Variants in SPAG16 observed in about 807,000 individuals in gnomAD.
The protein encoded by SPAG16 is sperm-associated antigen 16 protein.
SPAG16 carries 86 observed loss-of-function variants against 80.4 expected under a neutral mutation model. That is an observed-to-expected ratio of 1.07 (90% CI 0.90 to 1.28). The LOEUF is 1.28. SPAG16 is among the 50% of genes most tolerant of loss of function. The pLI, the probability that SPAG16 is intolerant of heterozygous loss-of-function variation, is 0.00. For missense variants in SPAG16, 870 were observed against 765.3 expected (o/e 1.14, Z -1.61); for synonymous variants, 294 against 265.9 (o/e 1.11, Z -1.03).
At chr2:214,128,448 G>C (rs1276792459) in intron 14 of SPAG16, among the ~76,000 whole-genome samples, 1 of 151,798 alleles carries the variant, frequency 6.6e-6, no homozygotes, top group Non-Finnish European at 1.5e-5. Context: ...ATGCTCACTA[G>C]TGAGCCACAA....
intron 15 of SPAG16, among the ~76,000 whole-genome samples, chr2:214,380,150 A>AATT (rs1194790048): frequency 1.3e-5 from 2 of 152,176 alleles, no homozygotes; most frequent in African/African-American, 4.8e-5. Context: ...ATTCAAGAAA[A>AATT]ATTACAGAAA....
intron 15 of SPAG16, among the ~76,000 whole-genome samples, chr2:214,284,383 A>C (rs563307788): frequency 1.1e-4 from 16 of 152,300 alleles, no homozygotes; most frequent in Admixed American, 1.0e-3. Flanking sequence ...AGGTCTATAC[A>C]TAGCATCTAG....
intron 9 of SPAG16, among the ~76,000 whole-genome samples, chr2:213,488,229 T>C (rs1033602995): frequency 1.3e-5 from 2 of 152,270 alleles, no homozygotes; most frequent in East Asian, 1.9e-4. Flanking sequence ...AAAGAATGGA[T>C]TTTTTTAAGT....
Position 213,353,058 on chromosome 2 carries a change from G to A in SPAG16, c.762+2413G>A, listed in dbSNP as rs142626433. ...TAGTAAAAAAGTTACTTGTCTATCC[G>A]TATAGCTTAAAGTCTACAGGCTATA... On this transcript the variant is annotated intron_variant, in intron 7 of 15. Transcript: ENST00000331683. 6.0e-3 allele frequency among the ~76,000 whole-genome samples: 915 copies of A among 152,164 alleles called. 8 individuals carry two copies. Among genetic ancestry groups the A allele is most frequent in the African/African-American group, 0.021 (859 of 41,516 alleles).
At chr2:214,261,918 C>G (rs1691207627) in intron 15 of SPAG16, among the ~76,000 whole-genome samples, 1 of 152,038 alleles carries the variant, frequency 6.6e-6, no homozygotes, top group African/African-American at 2.4e-5. Context: ...AATTCAAGAC[C>G]TAATGCTGAA....
intron 12 of SPAG16, among the ~76,000 whole-genome samples, chr2:213,938,705 A>T (rs2079084506): frequency 6.6e-6 from 1 of 152,060 alleles, no homozygotes; most frequent in African/African-American, 2.4e-5. Context: ...AACAAATCAA[A>T]TGTCCAAGGA....
intron 10 of SPAG16, among the ~76,000 whole-genome samples, chr2:213,694,776 T>TTTCC (rs35547318): frequency 3.3e-5 from 5 of 150,336 alleles, no homozygotes; most frequent in South Asian, 2.1e-4. Context: ...CTTTTCCTTC[T>TTTCC]TTCCTTCCTT....
intron 15 of SPAG16, among the ~76,000 whole-genome samples, chr2:214,155,480 A>G (rs2056172405): frequency 6.6e-6 from 1 of 151,984 alleles, no homozygotes; most frequent in South Asian, 2.1e-4. Flanking sequence ...CAGCAGAGAT[A>G]TATGGCCTGC....
chr2:213,508,441 G>A (rs1236877979), intron 10 of SPAG16, among the ~76,000 whole-genome samples: 8 of 152,128 alleles, frequency 5.3e-5, no homozygotes, highest in Non-Finnish European at 8.8e-5. Flanking sequence ...GCGCGGTGGC[G>A]GGCGCCTGTA....
chr2:213,490,042 A>C lies in SPAG16; in HGVS notation c.1022A>C (p.Asp341Ala), dbSNP rs755686189. ...SKESLSPAKF[D>A]YKLKNIFRLH... is the part of the protein sequence containing the mutation. The stretch of plus-strand genomic sequence containing the variant: ...GAAAGTCTTTCTCCAGCAAAATTTG[A>C]CTACAAGCTGAAAAACATTTTTAGA... The change falls in exon 10 of 16, where the codon GAC becomes GCC. Residue 341 changes from aspartate to alanine, a missense_variant. By Grantham distance (126) the Asp-to-Ala change is moderately radical (BLOSUM62 -2). Coordinates refer to ENST00000331683, the MANE Select transcript of SPAG16 (RefSeq NM_024532.5). 6.2e-7 allele frequency: 1 copy of C among 1,610,364 alleles called. No homozygotes were observed. The highest frequency in any genetic ancestry group is 1.1e-5 in the South Asian group (1 of 90,358).
chr2:213,428,802 G>A (rs1005995506), intron 9 of SPAG16, among the ~76,000 whole-genome samples: 1 of 152,090 alleles, frequency 6.6e-6, no homozygotes, highest in Admixed American at 6.6e-5. Context: ...TAAAGAATGA[G>A]AGGAGAAGGC....
At chr2:213,320,520 T>A (rs2063570541) in intron 5 of SPAG16, among the ~76,000 whole-genome samples, 1 of 151,950 alleles carries the variant, frequency 6.6e-6, no homozygotes, top group African/African-American at 2.4e-5. Flanking sequence ...TCTAACTGTT[T>A]GTATCCATTA....
At position 213,764,469 on chromosome 2, in the gene SPAG16, C is replaced by T. The variant is rs549397970; in HGVS notation, c.1071-98016C>T. ...TAGGCAGTGAACTAGATATAGTGTC[C>T]TTGGACTTACATTTTGCAACGTAGT... On this transcript the variant is annotated intron_variant, in intron 10 of 15. Transcript: ENST00000331683. Among the ~76,000 whole-genome samples, 3 of 152,074 alleles carry T rather than the reference C, an allele frequency of 2.0e-5. No individual in the cohort carries two copies. In the South Asian group the frequency reaches 6.2e-4, roughly 32 times the overall value.
At chr2:213,580,832 C>T (rs2060274649) in intron 10 of SPAG16, among the ~76,000 whole-genome samples, 1 of 152,036 alleles carries the variant, frequency 6.6e-6, no homozygotes, top group African/African-American at 2.4e-5. Flanking sequence ...ATAGGTACTT[C>T]TTGTCAGACA....
At chr2:213,433,501 A>G (rs547237165) in intron 9 of SPAG16, among the ~76,000 whole-genome samples, 5 of 152,230 alleles carry the variant, frequency 3.3e-5, no homozygotes, top group Non-Finnish European at 7.4e-5. Flanking sequence ...CTCATTTACA[A>G]TAGCTACAGA....
At chr2:214,059,204 A>ATATATGTATGTG (rs1559745231) in intron 13 of SPAG16, among the ~76,000 whole-genome samples, 11 of 85,506 alleles carry the variant, frequency 1.3e-4, no homozygotes, top group African/African-American at 5.1e-4. Flanking sequence ...ATATATATAT[A>ATATATGTATGTG]TATATATATA....
intron 10 of SPAG16, among the ~76,000 whole-genome samples, chr2:213,547,299 A>G (rs951169932): frequency 5.3e-5 from 8 of 152,130 alleles, no homozygotes; most frequent in Non-Finnish European, 8.8e-5. Flanking sequence ...GTCATGGTGT[A>G]TTCTTTATTT....
At chr2:214,333,856 A>T (rs1269235112) in intron 15 of SPAG16, among the ~76,000 whole-genome samples, 3 of 152,212 alleles carry the variant, frequency 2.0e-5, no homozygotes, top group South Asian at 4.1e-4. Flanking sequence ...GCACTTATAA[A>T]TTCTAAATCT....
intron 12 of SPAG16, among the ~76,000 whole-genome samples, chr2:213,941,302 T>A (rs541778772): frequency 1.3e-5 from 2 of 152,354 alleles, no homozygotes; most frequent in South Asian, 4.1e-4. Flanking sequence ...CCTTTTCTAA[T>A]TGAGCCTGTA....
Sources: gnomAD v4.1 joint callset for allele counts (sites outside exome capture counted in the v4.1 genomes callset) on GRCh38, gnomAD v4.1.1 for gene constraint, MANE v1.5 for transcripts, NCBI Gene and HGNC (gene_info 2026-07-23, HGNC 2026-07-21) for gene names.